Variants in CCSER1 observed in about 807,000 individuals in gnomAD.
CCSER1 encodes the protein coiled-coil serine rich protein 1.
In CCSER1, 41 loss-of-function variants were observed where a neutral mutation model predicts 82.0. The ratio of observed to expected loss-of-function variants is 0.50; its 90% CI spans 0.39 to 0.65. The LOEUF is 0.65. Ranked by LOEUF, CCSER1 falls within the 30% of genes least tolerant of loss-of-function variation. The pLI is 0.00. For synonymous variants in CCSER1, 414 were observed against 383.9 expected (o/e 1.08, Z -0.92); for missense variants, 1,119 against 1,064.2 (o/e 1.05, Z -0.72).
At chr4:90,511,808 A>G (rs1048180554) in intron 5 of CCSER1, among the ~76,000 whole-genome samples, 2 of 152,178 alleles carry the variant, frequency 1.3e-5, no homozygotes, top group Non-Finnish European at 2.9e-5. Context: ...TCAAATAGGT[A>G]TAAGGGGAGG....
intron 10 of CCSER1, among the ~76,000 whole-genome samples, chr4:91,207,314 C>G (rs1305499232): frequency 6.6e-6 from 1 of 151,254 alleles, no homozygotes; most frequent in Non-Finnish European, 1.5e-5. Flanking sequence ...AGGCATTAAG[C>G]ATAATTAAGC....
chr4:91,300,451 TAA>T (rs935604285), intron 10 of CCSER1, among the ~76,000 whole-genome samples: 82 of 151,912 alleles, frequency 5.4e-4, no homozygotes, highest in Middle Eastern at 6.8e-3. Context: ...GGGAAATATA[TAA>T]AAGAGTTAAT....
At chr4:90,529,777 GT>G (rs1443562311) in intron 5 of CCSER1, among the ~76,000 whole-genome samples, 1 of 151,914 alleles carries the variant, frequency 6.6e-6, no homozygotes. Flanking sequence ...TCTATTAAGA[GT>G]TCTGCTCTGA....
At chr4:91,440,484 A>T (rs1755044214) in intron 10 of CCSER1, among the ~76,000 whole-genome samples, 1 of 152,206 alleles carries the variant, frequency 6.6e-6, no homozygotes, top group African/African-American at 2.4e-5. Context: ...GTAGAGGGAA[A>T]TTTATAGCAC....
chr4:90,626,433 A>G (rs1560836889), intron 5 of CCSER1, among the ~76,000 whole-genome samples: 1 of 152,240 alleles, frequency 6.6e-6, no homozygotes, highest in Non-Finnish European at 1.5e-5. Context: ...AGAAAGCATT[A>G]ACACTAAACG....
At chr4:90,135,577 T>C (rs1723537131) in intron 1 of CCSER1, among the ~76,000 whole-genome samples, 1 of 152,254 alleles carries the variant, frequency 6.6e-6, no homozygotes, top group Non-Finnish European at 1.5e-5. Context: ...GCATATTGCC[T>C]TGCTCCTGCA....
rs1379218819 is a variant in CCSER1, at chr4:90,783,821, C to T, written c.2011-31941C>T. On this transcript the variant is annotated intron_variant, in intron 7 of 10. Coordinates refer to ENST00000509176, the MANE Select transcript of CCSER1 (RefSeq NM_001145065.2). The stretch of plus-strand genomic sequence containing the variant: ...ATTTAATACACTAAGAAAGACACAG[C>T]CCAGGGATACAGGCCCACTTAAGAC... 3.3e-5 allele frequency among the ~76,000 whole-genome samples: 5 copies of T among 152,102 alleles called. No individual in the cohort carries two copies. In the East Asian group the frequency reaches 9.6e-4, roughly 29 times the overall value.
chr4:90,149,766 C>T (rs1399444497), intron 1 of CCSER1, among the ~76,000 whole-genome samples: 1 of 151,880 alleles, frequency 6.6e-6, no homozygotes, highest in African/African-American at 2.4e-5. Flanking sequence ...TGCTCTTGAA[C>T]TTTGCTTAAG....
chr4:91,316,451 T>C (rs772648716), intron 10 of CCSER1, among the ~76,000 whole-genome samples: 1 of 152,036 alleles, frequency 6.6e-6, no homozygotes, highest in Non-Finnish European at 1.5e-5. Flanking sequence ...TTGAAATGTG[T>C]GTTTCATTTG....
chr4:91,565,098 A>G (rs1762828717), intron 10 of CCSER1, among the ~76,000 whole-genome samples: 1 of 147,802 alleles, frequency 6.8e-6, no homozygotes, highest in Admixed American at 6.9e-5. Flanking sequence ...GAAGGGGTCC[A>G]GCTTCAATCT....
At chr4:90,990,613 G>A (rs907748532) in intron 9 of CCSER1, among the ~76,000 whole-genome samples, 2 of 151,914 alleles carry the variant, frequency 1.3e-5, no homozygotes, top group African/African-American at 4.8e-5. Flanking sequence ...ATCAGATGGA[G>A]TGCTTCCTGC....
intron 5 of CCSER1, among the ~76,000 whole-genome samples, chr4:90,619,985 C>T (rs912722724): frequency 1.1e-4 from 17 of 152,098 alleles, no homozygotes; most frequent in African/African-American, 3.9e-4. Flanking sequence ...CGTCAACCTT[C>T]TCTTTTTAAG....
chr4:90,845,648 C>T (rs1435057069), intron 8 of CCSER1, among the ~76,000 whole-genome samples: 5 of 151,882 alleles, frequency 3.3e-5, no homozygotes, highest in African/African-American at 1.2e-4. Flanking sequence ...CTGTCCTAGG[C>T]CAGAAGGCAA....
intron 7 of CCSER1, among the ~76,000 whole-genome samples, chr4:90,771,482 A>ATTTCT (rs767152970): frequency 6.7e-6 from 1 of 148,224 alleles, no homozygotes; most frequent in Non-Finnish European, 1.5e-5. Context: ...ACATCCCACT[A>ATTTCT]TTTCTTTTCT....
intron 10 of CCSER1, among the ~76,000 whole-genome samples, chr4:91,456,589 T>C (rs2149425605): frequency 6.6e-6 from 1 of 152,228 alleles, no homozygotes; most frequent in East Asian, 1.9e-4. Flanking sequence ...ATTGAAGTAG[T>C]CATTCTGAAA....
intron 7 of CCSER1, among the ~76,000 whole-genome samples, chr4:90,811,224 A>C (rs1386537420): frequency 6.6e-6 from 1 of 152,154 alleles, no homozygotes; most frequent in Non-Finnish European, 1.5e-5. Context: ...AAAATCCAGA[A>C]ATTTGCATGT....
At chr4:90,811,910 T>TACACAC (rs67215286) in intron 7 of CCSER1, among the ~76,000 whole-genome samples, 1 of 113,112 alleles carries the variant, frequency 8.8e-6, no homozygotes, top group African/African-American at 3.1e-5. Context: ...AATATATATA[T>TACACAC]ACACACACAC....
At chr4:90,561,764 G>A (rs1013522396) in intron 5 of CCSER1, among the ~76,000 whole-genome samples, 4 of 152,136 alleles carry the variant, frequency 2.6e-5, no homozygotes, top group African/African-American at 9.7e-5. Flanking sequence ...GTAAGTATAT[G>A]TCTGTCTCTA....
chr4:91,209,681 G>A (rs1003099290), intron 10 of CCSER1, among the ~76,000 whole-genome samples: 14 of 151,668 alleles, frequency 9.2e-5, no homozygotes, highest in African/African-American at 3.4e-4. Flanking sequence ...TTCTTTCTTT[G>A]TTGTGTCTCT....
Sources: gnomAD v4.1 joint callset for allele counts (sites outside exome capture counted in the v4.1 genomes callset) on GRCh38, gnomAD v4.1.1 for gene constraint, MANE v1.5 for transcripts, NCBI Gene and HGNC (gene_info 2026-07-23, HGNC 2026-07-21) for gene names.